Variants in L3MBTL4 observed in about 807,000 individuals in gnomAD.
L3MBTL4 encodes the protein lethal(3)malignant brain tumor-like protein 4.
A neutral mutation model predicts 84.5 loss-of-function variants in L3MBTL4; 70 were observed. The observed-to-expected ratio is 0.83, with a 90% CI of 0.68 to 1.01. L3MBTL4 has a LOEUF of 1.01. L3MBTL4 is among the 50% of genes least tolerant of loss of function. L3MBTL4 has a pLI of 0.00. For missense variants in L3MBTL4, 715 were observed against 754.8 expected (o/e 0.95, Z 0.62); for synonymous variants, 274 against 259.8 (o/e 1.05, Z -0.52).
chr18:6,220,508 T>C (rs1305485023), intron 10 of L3MBTL4, among the ~76,000 whole-genome samples: 1 of 152,154 alleles, frequency 6.6e-6, no homozygotes, highest in African/African-American at 2.4e-5. Flanking sequence ...TGACTCTCTA[T>C]ATAATAGGGA....
intron 12 of L3MBTL4, among the ~76,000 whole-genome samples, chr18:6,187,222 G>A (rs2044818454): frequency 6.6e-6 from 1 of 152,086 alleles, no homozygotes; most frequent in African/African-American, 2.4e-5. Flanking sequence ...GCATATATGA[G>A]TTTTAAACTT....
intron 5 of L3MBTL4, among the ~76,000 whole-genome samples, chr18:6,250,338 C>A (rs1380098907): frequency 4.6e-5 from 7 of 152,214 alleles, no homozygotes; most frequent in Admixed American, 4.6e-4. Context: ...AAACTGAAGA[C>A]AAGCTACTGG....
At chr18:6,026,296 G>C (rs1380382559) in intron 16 of L3MBTL4, among the ~76,000 whole-genome samples, 2 of 152,218 alleles carry the variant, frequency 1.3e-5, no homozygotes, top group African/African-American at 4.8e-5. Flanking sequence ...ATTATTTCAA[G>C]TGGGGTTATT....
At chr18:6,011,968 T>C (rs541817) in intron 16 of L3MBTL4, among the ~76,000 whole-genome samples, 6,788 of 152,318 alleles carry the variant, frequency 0.045, 517 homozygotes, top group African/African-American at 0.15. Flanking sequence ...TAGTAAACTT[T>C]GCTTCTGGAC....
intron 16 of L3MBTL4, among the ~76,000 whole-genome samples, chr18:5,980,867 A>C (rs1431270557): frequency 6.6e-6 from 1 of 152,212 alleles, no homozygotes; most frequent in Non-Finnish European, 1.5e-5. Flanking sequence ...GCAGCGGTGC[A>C]CACAGGATGA....
At chr18:5,956,740 C>T (rs1401309955) in intron 18 of L3MBTL4, among the ~76,000 whole-genome samples, 1 of 152,268 alleles carries the variant, frequency 6.6e-6, no homozygotes, top group African/African-American at 2.4e-5. Flanking sequence ...AGGAATTTTT[C>T]CCAAGAGAAT....
intron 10 of L3MBTL4, among the ~76,000 whole-genome samples, chr18:6,235,154 A>T (rs1289968908): frequency 6.6e-6 from 1 of 151,982 alleles, no homozygotes; most frequent in Non-Finnish European, 1.5e-5. Context: ...AACATCACAC[A>T]CCGGGGCCTG....
At chr18:6,303,929 G>C (rs972681045) in intron 3 of L3MBTL4, among the ~76,000 whole-genome samples, 2 of 150,380 alleles carry the variant, frequency 1.3e-5, no homozygotes, top group African/African-American at 4.9e-5. Flanking sequence ...CAGGAGAATC[G>C]CTTGAACCCG....
In L3MBTL4 at chr18:6,315,611, C is replaced by T. The variant is rs374969706; in HGVS notation, c.-90-3555G>A. ...AACCAGACAGTACAATTCTGGGGTC[C>T]CTCTTTGAACACCATACTATGCTGT... On this transcript the variant is annotated intron_variant, in intron 1 of 18. Transcript: ENST00000317931. 1.3e-3 allele frequency among the ~76,000 whole-genome samples: 200 copies of T among 152,252 alleles called. 1 individual carries two copies. The South Asian group carries it at 0.017, about 13-fold the overall frequency.
chr18:6,292,161 TA>T (rs1313163487), intron 4 of L3MBTL4, among the ~76,000 whole-genome samples: 1 of 152,122 alleles, frequency 6.6e-6, no homozygotes, highest in Non-Finnish European at 1.5e-5. Flanking sequence ...CAATTAAAAA[TA>T]AAAAAATAAA....
intron 4 of L3MBTL4, among the ~76,000 whole-genome samples, chr18:6,298,908 A>G (rs1478983497): frequency 6.6e-6 from 1 of 152,042 alleles, no homozygotes; most frequent in East Asian, 1.9e-4. Flanking sequence ...CAAACCCTCA[A>G]TGCCCCAACA....
intron 16 of L3MBTL4, among the ~76,000 whole-genome samples, chr18:5,972,338 G>A (rs1441132115): frequency 2.0e-5 from 3 of 152,184 alleles, no homozygotes; most frequent in African/African-American, 7.2e-5. Context: ...TGGTCTAGGA[G>A]GGAGTCCCTG....
chr18:6,229,291 A>G (rs2046900218), intron 10 of L3MBTL4, among the ~76,000 whole-genome samples: 1 of 152,098 alleles, frequency 6.6e-6, no homozygotes, highest in East Asian at 1.9e-4. Flanking sequence ...GTATGTGGGT[A>G]ATTGTTTTCA....
At chr18:6,225,336 T>C (rs907772674) in intron 10 of L3MBTL4, among the ~76,000 whole-genome samples, 1 of 152,232 alleles carries the variant, frequency 6.6e-6, no homozygotes, top group Non-Finnish European at 1.5e-5. Flanking sequence ...AGCCTGTCAG[T>C]CTGGAATAAT....
intron 1 of L3MBTL4, among the ~76,000 whole-genome samples, chr18:6,377,518 T>C (rs1203549149): frequency 6.6e-6 from 1 of 152,114 alleles, no homozygotes. Context: ...TTCCCCTCCC[T>C]GTGTCCATGT....
At chr18:6,146,711 T>C (rs766308598) in intron 13 of L3MBTL4, among the ~76,000 whole-genome samples, 1 of 152,222 alleles carries the variant, frequency 6.6e-6, no homozygotes, top group Non-Finnish European at 1.5e-5. Context: ...ATGCCCCAAA[T>C]GGTATTTCTA....
chr18:6,214,554 A>G (rs1223154897), intron 11 of L3MBTL4, among the ~76,000 whole-genome samples: 1 of 152,228 alleles, frequency 6.6e-6, no homozygotes, highest in Non-Finnish European at 1.5e-5. Flanking sequence ...CCCAACTAAT[A>G]TGTCAGTAAT....
chr18:6,009,684 C>T (rs1015642283), intron 16 of L3MBTL4, among the ~76,000 whole-genome samples: 5 of 152,110 alleles, frequency 3.3e-5, no homozygotes, highest in Admixed American at 2.0e-4. Context: ...AAATATTGTA[C>T]TGTATAGTTT....
chr18:6,348,344 C>T (rs1184825376), intron 1 of L3MBTL4, among the ~76,000 whole-genome samples: 1 of 151,964 alleles, frequency 6.6e-6, no homozygotes, highest in Non-Finnish European at 1.5e-5. Flanking sequence ...AGATGGCTTG[C>T]ACTACCAGAT....
Sources: allele counts gnomAD v4.1 joint callset (sites outside exome capture counted in the v4.1 genomes callset), GRCh38; gene constraint gnomAD v4.1.1; transcripts MANE v1.5; gene names NCBI Gene and HGNC (gene_info 2026-07-23, HGNC 2026-07-21).